The following MYO16 variants were observed in gnomAD, a reference collection of about 807,000 sequenced individuals.
MYO16 encodes myosin XVI.
In MYO16, 94 loss-of-function variants were observed where a neutral mutation model predicts 205.3. The ratio of observed to expected loss-of-function variants is 0.46; its 90% confidence interval spans 0.39 to 0.54. MYO16 has a LOEUF of 0.54. MYO16 is among the 20% of genes least tolerant of loss of function. The pLI, the probability that MYO16 is intolerant of heterozygous loss-of-function variation, is 0.00. For missense variants in MYO16, 2,315 were observed against 2,387.5 expected (o/e 0.97, Z 0.63); for synonymous variants, 988 against 954.0 (o/e 1.04, Z -0.66).
intron 2 of MYO16, among the ~76,000 whole-genome samples, chr13:108,709,515 T>C (rs1883642615): frequency 8.7e-6 from 1 of 114,894 alleles, no homozygotes; most frequent in Non-Finnish European, 1.9e-5. Context: ...AAAGAAAGAG[T>C]GACGATTATA....
chr13:109,022,139 ATATT>A (rs1422789454), intron 23 of MYO16, among the ~76,000 whole-genome samples: 27 of 132,982 alleles, frequency 2.0e-4, no homozygotes, highest in Non-Finnish European at 3.2e-4. Context: ...ATACATATAT[ATATT>A]TATATATACA....
chr13:108,505,733 A>G, the MYO16 span, among the ~76,000 whole-genome samples: 1 of 152,090 alleles, frequency 6.6e-6, no homozygotes, highest in Non-Finnish European at 1.5e-5. Flanking sequence ...TCATCAAGAA[A>G]TCATTGCCAA....
At chr13:108,756,749 G>A (rs1365452726) in intron 4 of MYO16, among the ~76,000 whole-genome samples, 1 of 152,076 alleles carries the variant, frequency 6.6e-6, no homozygotes, top group Non-Finnish European at 1.5e-5. Context: ...CTCAGTCTAT[G>A]GATTTGAATG....
the MYO16 span, among the ~76,000 whole-genome samples, chr13:108,559,482 T>TG: frequency 1.4e-5 from 2 of 140,550 alleles, no homozygotes; most frequent in African/African-American, 5.3e-5. Context: ...TTTTTTTTTT[T>TG]TTTTTTTTTT....
the MYO16 span, among the ~76,000 whole-genome samples, chr13:108,561,702 C>G: frequency 6.6e-6 from 1 of 152,128 alleles, no homozygotes; most frequent in African/African-American, 2.4e-5. Context: ...GTAGCAGATG[C>G]TATTATGTAT....
At chr13:108,774,460 T>C (rs1886064511) in intron 4 of MYO16, among the ~76,000 whole-genome samples, 1 of 152,226 alleles carries the variant, frequency 6.6e-6, no homozygotes, top group Admixed American at 6.5e-5. Context: ...TATGCAGTCT[T>C]CAGCTGCAGA....
intron 16 of MYO16, among the ~76,000 whole-genome samples, chr13:108,932,867 T>C (rs569544062): frequency 1.3e-5 from 2 of 152,250 alleles, no homozygotes; most frequent in African/African-American, 2.4e-5. Flanking sequence ...GAGAATCAGG[T>C]GGCAGTCTGT....
At chr13:108,544,025 A>G in the MYO16 span, among the ~76,000 whole-genome samples, 10,029 of 138,758 alleles carry the variant, frequency 0.072, 656 homozygotes, top group African/African-American at 0.18. Flanking sequence ...AGATCGCACC[A>G]TTGCACTCCA....
chr13:109,008,749 A>G (rs1353423550), intron 21 of MYO16, 148 bp from the exon 22 acceptor site: 2 of 482,678 alleles, frequency 4.1e-6, no homozygotes, highest in East Asian at 8.4e-5. Flanking sequence ...TGTATGCACT[A>G]CTGTACTATC....
chr13:108,649,219 T>C (rs1401454028), intron 1 of MYO16, among the ~76,000 whole-genome samples: 1 of 143,700 alleles, frequency 7.0e-6, no homozygotes, highest in Non-Finnish European at 1.5e-5. Context: ...AAACTTAAAG[T>C]ATAATAAAAA....
Position 109,140,319 on chromosome 13 carries a change from T to A in MYO16, c.4107T>A (p.Pro1369=). 6.2e-7 allele frequency: 1 copy of A among 1,602,680 alleles called. No homozygotes were observed. The highest frequency in any genetic ancestry group is 8.5e-7 in the Non-Finnish European group (1 of 1,179,364). ...SDDYSTMKKI[P]PRKPKRSPNT... is the part of the protein sequence containing the mutation. Reference sequence around the variant, plus strand: ...ACTACAGCACCATGAAGAAGATTCCTCCTCGAAAGCCCAAGCGCAGCCCCA... The same window carrying A: ...ACTACAGCACCATGAAGAAGATTCCACCTCGAAAGCCCAAGCGCAGCCCCA... The change falls in exon 32 of 35, where the codon CCT becomes CCA. Residue 1369 remains proline (P), a synonymous_variant. Coordinates refer to ENST00000457511, the MANE Select transcript of MYO16 (RefSeq NM_001198950.3). The surrounding 1 kb of genome is among the most constrained non-coding windows in gnomAD (Gnocchi z 8.0).
At chr13:109,151,242 G>A (rs1029928590) in intron 32 of MYO16, among the ~76,000 whole-genome samples, 9 of 151,904 alleles carry the variant, frequency 5.9e-5, no homozygotes, top group South Asian at 4.2e-4. Context: ...CAACACAGCC[G>A]TCCACCATGT....
Position 109,107,841 on chromosome 13 carries a change from A to ATATTATATTATATTATATTATATTATAT in MYO16, c.3438+6957_3438+6958insTATATTATATTATATTATATTATATTAT, listed in dbSNP as rs370218945. 1.5e-4 allele frequency among the ~76,000 whole-genome samples: 22 copies of ATATTATATTATATTATATTATATTATAT among 148,590 alleles called. 2 individuals carry two copies. Among genetic ancestry groups the ATATTATATTATATTATATTATATTATAT allele is most frequent in the South Asian group, 1.5e-3 (7 of 4,768 alleles). On this transcript the variant is annotated intron_variant, in intron 28 of 34. Coordinates refer to ENST00000457511, the MANE Select transcript of MYO16 (RefSeq NM_001198950.3). ...ATATTATATTATATTATATTATATT[A>ATATTATATTATATTATATTATATTATAT]TATGTGTGTGTGTCTGTGTGTGTGT... is the stretch of plus-strand genomic sequence containing the variant.
intron 34 of MYO16, among the ~76,000 whole-genome samples, chr13:109,186,337 C>T (rs752049025): frequency 3.9e-5 from 6 of 152,172 alleles, no homozygotes; most frequent in Non-Finnish European, 7.3e-5. Context: ...AGGTGTCACA[C>T]GACCTGCTGC....
At chr13:108,592,705 A>G (rs76645183), upstream of MYO16, among the ~76,000 whole-genome samples, 3,632 of 96,998 alleles carry the variant, frequency 0.037, 149 homozygotes, top group African/African-American at 0.13. Context: ...TTTGTGGGGT[A>G]CGTGTGGTGT....
intron 28 of MYO16, among the ~76,000 whole-genome samples, chr13:109,115,524 C>G (rs1351520971): frequency 6.6e-6 from 1 of 152,116 alleles, no homozygotes; most frequent in Non-Finnish European, 1.5e-5. Context: ...TTAACCTCTC[C>G]TTTTCTCTGC....
intron 27 of MYO16, among the ~76,000 whole-genome samples, chr13:109,090,007 T>A (rs1338506334): frequency 6.6e-6 from 1 of 152,204 alleles, no homozygotes; most frequent in Non-Finnish European, 1.5e-5. Context: ...AGCCAAGAAT[T>A]GCATGGGAAA....
At chr13:108,693,246 C>A (rs1882968096) in intron 2 of MYO16, among the ~76,000 whole-genome samples, 1 of 152,108 alleles carries the variant, frequency 6.6e-6, no homozygotes, top group African/African-American at 2.4e-5. Flanking sequence ...TAACATAAAA[C>A]TCATCATTTT....
chr13:109,020,407 G>A (rs1321281879), intron 23 of MYO16, among the ~76,000 whole-genome samples: 1 of 152,054 alleles, frequency 6.6e-6, no homozygotes, highest in East Asian at 1.9e-4. Context: ...CCTCTTACTT[G>A]TATAAAAATG....
Sources: allele counts gnomAD v4.1 joint callset (sites outside exome capture counted in the v4.1 genomes callset), GRCh38; gene constraint gnomAD v4.1.1; non-coding constraint Gnocchi (gnomAD v3.1); transcripts MANE v1.5; gene names NCBI Gene and HGNC (gene_info 2026-07-23, HGNC 2026-07-21).